The following CNTNAP2 variants were observed in gnomAD, a reference collection of about 807,000 sequenced individuals.
CNTNAP2 encodes contactin associated protein 2.
CNTNAP2 carries 98 observed loss-of-function variants against 155.2 expected under a neutral mutation model. The ratio of observed to expected loss-of-function variants is 0.63; its 90% CI spans 0.54 to 0.75. The LOEUF is 0.75. Among genes scored for constraint, CNTNAP2 ranks in the 30% least tolerant of loss-of-function variants. The pLI, the probability that CNTNAP2 is intolerant of heterozygous loss-of-function variation, is 0.00. For missense variants in CNTNAP2, 1,727 were observed against 1,688.1 expected (o/e 1.02, Z -0.40); for synonymous variants, 651 against 631.2 (o/e 1.03, Z -0.47).
intron 14 of CNTNAP2, among the ~76,000 whole-genome samples, chr7:147,976,126 G>A (rs1193715217): frequency 6.6e-6 from 1 of 152,036 alleles, no homozygotes; most frequent in Non-Finnish European, 1.5e-5. Flanking sequence ...TTTAAATTGT[G>A]AAAATTATTC....
intron 1 of CNTNAP2, among the ~76,000 whole-genome samples, chr7:146,124,102 G>A (rs557096742): frequency 1.2e-4 from 18 of 152,276 alleles, no homozygotes; most frequent in South Asian, 4.1e-4. Flanking sequence ...CTGTTGAGGG[G>A]TGGAGGGCTA....
intron 8 of CNTNAP2, among the ~76,000 whole-genome samples, chr7:147,208,242 T>C (rs1803060894): frequency 6.6e-6 from 1 of 152,112 alleles, no homozygotes; most frequent in Non-Finnish European, 1.5e-5. Flanking sequence ...CTTACTAATA[T>C]TACTCAGCCA....
chr7:147,567,915 G>A (rs560353027), intron 12 of CNTNAP2, among the ~76,000 whole-genome samples: 15 of 152,086 alleles, frequency 9.9e-5, no homozygotes, highest in Admixed American at 2.0e-4. Context: ...GCGAAACCCC[G>A]TCTCTACTAA....
intron 21 of CNTNAP2, among the ~76,000 whole-genome samples, chr7:148,291,788 A>G (rs1358195005): frequency 6.6e-6 from 1 of 152,236 alleles, no homozygotes; most frequent in Non-Finnish European, 1.5e-5. Flanking sequence ...GTCATGTTGT[A>G]TACCACAAAT....
rs187341574 is a variant in CNTNAP2 at position 146,989,724 on chromosome 7, C to G, written c.403-54183C>G. The stretch of plus-strand genomic sequence containing the variant: ...TCTATCCAATCCATCCCTTATCCAT[C>G]GCATTTTTCAACCTCATGAAATGCT... On this transcript the variant is annotated intron_variant, in intron 3 of 23. Coordinates refer to ENST00000361727, the MANE Select transcript of CNTNAP2 (RefSeq NM_014141.6). 1.5e-4 allele frequency among the ~76,000 whole-genome samples: 23 copies of G among 152,224 alleles called. No homozygotes were observed. The East Asian group carries it at 4.3e-3, about 28-fold the overall frequency.
At chr7:146,721,863 G>A (rs1332514666) in intron 1 of CNTNAP2, among the ~76,000 whole-genome samples, 3 of 89,788 alleles carry the variant, frequency 3.3e-5, no homozygotes, top group East Asian at 2.8e-4. Flanking sequence ...ATTTATATGT[G>A]TGTGTGTGTG....
chr7:146,425,915 G>A (rs1584919447), intron 1 of CNTNAP2, among the ~76,000 whole-genome samples: 2 of 152,036 alleles, frequency 1.3e-5, no homozygotes, highest in South Asian at 4.1e-4. Flanking sequence ...GCTGGGCCTG[G>A]TGGCTCATGC....
intron 3 of CNTNAP2, among the ~76,000 whole-genome samples, chr7:146,912,072 T>G (rs1322555550): frequency 6.6e-6 from 1 of 151,580 alleles, no homozygotes; most frequent in Non-Finnish European, 1.5e-5. Flanking sequence ...TTTAAAAGTA[T>G]GTATTGGGTC....
intron 3 of CNTNAP2, among the ~76,000 whole-genome samples, chr7:146,994,975 A>T (rs1429712149): frequency 1.3e-5 from 2 of 152,054 alleles, no homozygotes; most frequent in Non-Finnish European, 2.9e-5. Context: ...ATTTGAGAAC[A>T]TCTCCACATT....
chr7:146,632,135 GA>G (rs1474231685), intron 1 of CNTNAP2, among the ~76,000 whole-genome samples: 1 of 152,130 alleles, frequency 6.6e-6, no homozygotes, highest in Non-Finnish European at 1.5e-5. Context: ...TTCATCAAAT[GA>G]AAATTTAGAG....
intron 13 of CNTNAP2, among the ~76,000 whole-genome samples, chr7:147,641,002 G>A (rs1356965100): frequency 4.6e-5 from 7 of 152,326 alleles, no homozygotes; most frequent in Middle Eastern, 3.4e-3. Flanking sequence ...ATGGAGATAT[G>A]TGGGGGCGGC....
chr7:146,967,707 A>G (rs546209915), intron 3 of CNTNAP2, among the ~76,000 whole-genome samples: 9 of 151,914 alleles, frequency 5.9e-5, no homozygotes, highest in South Asian at 2.1e-4. Context: ...AGGAGATTTT[A>G]GGCTGAGACA....
At chr7:147,513,163 T>C (rs1799051570) in intron 11 of CNTNAP2, among the ~76,000 whole-genome samples, 1 of 152,288 alleles carries the variant, frequency 6.6e-6, no homozygotes, top group East Asian at 1.9e-4. Context: ...GTATAATAAA[T>C]GATACATGTA....
chr7:146,881,178 GT>G (rs2129209330), intron 3 of CNTNAP2, among the ~76,000 whole-genome samples: 1 of 152,044 alleles, frequency 6.6e-6, no homozygotes, highest in Non-Finnish European at 1.5e-5. Flanking sequence ...TTCCACACAC[GT>G]TACTCTAGAT....
chr7:146,430,184 TTTTTG>T (rs1796152906), intron 1 of CNTNAP2, among the ~76,000 whole-genome samples: 1 of 151,952 alleles, frequency 6.6e-6, no homozygotes, highest in Admixed American at 6.6e-5. Flanking sequence ...AGTTTTTTTT[TTTTTG>T]TTTTATTTTT....
rs142359351 is a variant in CNTNAP2 at position 147,198,780 on chromosome 7, A to G, written c.1348+66271A>G. ...TGAATCATTTGTATTTATCAAGGAA[A>G]GACTACTATAAATTCATTGAAATGT... On this transcript the variant is annotated intron_variant, in intron 8 of 23. Transcript: ENST00000361727. 3.8e-3 allele frequency among the ~76,000 whole-genome samples: 580 copies of G among 152,276 alleles called. 5 individuals carry two copies. Among genetic ancestry groups the G allele is most frequent in the African/African-American group, 0.013 (552 of 41,554 alleles).
chr7:148,041,338 C>T (rs965705848), intron 15 of CNTNAP2, among the ~76,000 whole-genome samples: 3 of 152,206 alleles, frequency 2.0e-5, no homozygotes, highest in Admixed American at 6.5e-5. Flanking sequence ...GAAGGATTGA[C>T]TGTCATGTGC....
At chr7:146,540,104 GCA>G (rs1797928869) in intron 1 of CNTNAP2, among the ~76,000 whole-genome samples, 1 of 152,060 alleles carries the variant, frequency 6.6e-6, no homozygotes. Context: ...GGATTGGTGA[GCA>G]CAGTGTGGCA....
chr7:148,418,797 G>A lies in CNTNAP2; in HGVS notation c.*3181G>A, dbSNP rs987540260. ...AAAGAGCTGAAAACAAGAATTTAGA[G>A]AGCCATTCCTAGAAAATGTCCTACT... On this transcript the variant is annotated 3_prime_UTR_variant, in exon 24 of 24. Coordinates refer to ENST00000361727, the MANE Select transcript of CNTNAP2 (RefSeq NM_014141.6). 2 of 152,216 alleles carry A rather than the reference G, an allele frequency of 1.3e-5. No homozygotes were observed. Among genetic ancestry groups the A allele is most frequent in the African/African-American group, 4.8e-5 (2 of 41,458 alleles). 9.4% of individuals were successfully genotyped at this position (152,216 alleles called of 1,614,324 possible).
Sources: gnomAD v4.1 joint callset for allele counts (sites outside exome capture counted in the v4.1 genomes callset) on GRCh38, gnomAD v4.1.1 for gene constraint, MANE v1.5 for transcripts, NCBI Gene and HGNC (gene_info 2026-07-23, HGNC 2026-07-21) for gene names.